ABCA13: variants seen among roughly 807,000 people sequenced by gnomAD.
The protein encoded by ABCA13 is ATP-binding cassette sub-family A member 13.
Under a neutral mutation model 478.7 loss-of-function variants are expected in ABCA13, and 476 were observed. The observed-to-expected ratio is 0.99, with a 90% CI of 0.92 to 1.07. The LOEUF is 1.07. Ranked by LOEUF, ABCA13 falls within the 50% of genes least tolerant of loss-of-function variation. The probability of loss-of-function intolerance (pLI) is 0.00; values close to 1 mark genes in which losing one functional copy is unlikely to be tolerated. For synonymous variants in ABCA13, 2,252 were observed against 2,158.9 expected (o/e 1.04, Z -1.20); for missense variants, 6,060 against 5,910.6 (o/e 1.03, Z -0.83).
intron 52 of ABCA13, among the ~76,000 whole-genome samples, chr7:48,518,734 G>A (rs1045308858): frequency 2.0e-5 from 3 of 152,022 alleles, no homozygotes; most frequent in Non-Finnish European, 4.4e-5. Flanking sequence ...GAGCTTTGTA[G>A]CATTAATTCT....
intron 55 of ABCA13, among the ~76,000 whole-genome samples, chr7:48,550,190 A>G (rs1253592855): frequency 6.6e-6 from 1 of 151,764 alleles, no homozygotes; most frequent in African/African-American, 2.4e-5. Context: ...AAAGTAGCTG[A>G]ATATTTATTT....
intron 59 of ABCA13, 126 bp downstream of exon 59, chr7:48,615,503 G>A: frequency 1.3e-6 from 1 of 789,888 alleles, no homozygotes; most frequent in Non-Finnish European, 2.0e-6. Flanking sequence ...AATAGGAGAT[G>A]AAGGCTCTGA....
chr7:48,270,708 G>C (rs921616881), intron 16 of ABCA13, among the ~76,000 whole-genome samples: 2 of 152,194 alleles, frequency 1.3e-5, no homozygotes, highest in African/African-American at 4.8e-5. Context: ...TATCAGGGAA[G>C]TAAACAGCAT....
chr7:48,219,556 G>A, intron 4 of ABCA13, 51 bp downstream of exon 4: 5 of 1,552,848 alleles, frequency 3.2e-6, no homozygotes, highest in Non-Finnish European at 4.3e-6. Flanking sequence ...CATAGCTTAA[G>A]GAGAGCTGTG....
chr7:48,617,986 G>T (rs1463971239), intron 59 of ABCA13, among the ~76,000 whole-genome samples: 2 of 152,136 alleles, frequency 1.3e-5, no homozygotes, highest in Non-Finnish European at 2.9e-5. Context: ...CCAAACCAAA[G>T]AACTTTTCCT....
intron 57 of ABCA13, among the ~76,000 whole-genome samples, chr7:48,588,792 T>A (rs558350523): frequency 6.6e-6 from 1 of 152,222 alleles, no homozygotes; most frequent in African/African-American, 2.4e-5. Flanking sequence ...GAGCAATAGG[T>A]TAAAGAGATT....
At chr7:48,412,725 G>A in intron 41 of ABCA13, 142 bp downstream of exon 41, 1 of 584,714 alleles carries the variant, frequency 1.7e-6, no homozygotes, top group Non-Finnish European at 2.7e-6. Context: ...TTTCTGATTG[G>A]TAGCATACTA....
chr7:48,214,324 T>C (rs1786115361), intron 3 of ABCA13, among the ~76,000 whole-genome samples: 2 of 152,284 alleles, frequency 1.3e-5, no homozygotes, highest in Non-Finnish European at 2.9e-5. Flanking sequence ...ACAGAAGCAG[T>C]TGATTTAGCA....
At chr7:48,382,102 C>T (rs970682642) in intron 35 of ABCA13, among the ~76,000 whole-genome samples, 2 of 152,108 alleles carry the variant, frequency 1.3e-5, no homozygotes, top group Non-Finnish European at 2.9e-5. Context: ...ATGTCTTTCA[C>T]GTTTGTTTCT....
At chr7:48,538,355 C>A (rs1010001756) in intron 55 of ABCA13, among the ~76,000 whole-genome samples, 1 of 152,110 alleles carries the variant, frequency 6.6e-6, no homozygotes, top group African/African-American at 2.4e-5. Context: ...CCCACCTCGA[C>A]CTCCCAAAGA....
At chr7:48,544,825 G>A (rs1379604074) in intron 55 of ABCA13, among the ~76,000 whole-genome samples, 1 of 151,920 alleles carries the variant, frequency 6.6e-6, no homozygotes, top group Non-Finnish European at 1.5e-5. Flanking sequence ...TGAGGCTTGT[G>A]ACTGGCATCT....
intron 44 of ABCA13, among the ~76,000 whole-genome samples, chr7:48,470,947 GA>G (rs1342344811): frequency 6.6e-6 from 1 of 152,038 alleles, no homozygotes; most frequent in African/African-American, 2.4e-5. Context: ...CCAAATGCTA[GA>G]AAAAATATTT....
intron 6 of ABCA13, among the ~76,000 whole-genome samples, chr7:48,227,963 C>A (rs993047122): frequency 8.5e-5 from 13 of 152,112 alleles, no homozygotes; most frequent in Admixed American, 4.6e-4. Context: ...TGGATTTGAC[C>A]CCCATGTTAC....
chr7:48,207,702 C>G (rs746059022), intron 3 of ABCA13, among the ~76,000 whole-genome samples: 2 of 152,014 alleles, frequency 1.3e-5, no homozygotes, highest in Non-Finnish European at 2.9e-5. Flanking sequence ...TTATTAATCC[C>G]TTGTCATATG....
chr7:48,455,218 G>A lies in ABCA13; in HGVS notation c.12747G>A (p.Leu4249=). 6.2e-7 allele frequency: 1 copy of A among 1,600,752 alleles called. No individual in the cohort carries two copies. Among genetic ancestry groups the A allele is most frequent in the Non-Finnish European group, 8.5e-7 (1 of 1,174,066 alleles). ...TGGGCTTGTTCATGGTGAGACCCCTGGCCACCGAGTACCCTCCCCTCAGAC... is the reference window on the plus strand; with the variant it reads ...TGGGCTTGTTCATGGTGAGACCCCTAGCCACCGAGTACCCTCCCCTCAGAC... The part of the protein sequence containing the change: ...LAMGLFMVRP[L]ATEYPPLRLT... Residue 4249 remains leucine, a synonymous_variant, in exon 43 of 62, where the codon CTG becomes CTA. Transcript: ENST00000435803.
At position 48,645,651 on chromosome 7, in the gene ABCA13, A is replaced by G; in HGVS notation, c.*139A>G. 1.4e-6 allele frequency: 1 copy of G among 713,864 alleles called. No individual in the cohort carries two copies. Among genetic ancestry groups the G allele is most frequent in the Non-Finnish European group, 2.3e-6 (1 of 436,172 alleles). The allele number at this position is 713,864 out of a possible 1,614,324, so 44.2% of individuals were successfully genotyped here. ...CAAATTATTCTCTTGTTCATTTTCTATTTTGAATCTCCTTGTTAGTTAATA... is the reference window on the plus strand; with the variant it reads ...CAAATTATTCTCTTGTTCATTTTCTGTTTTGAATCTCCTTGTTAGTTAATA... On this transcript the variant is annotated 3_prime_UTR_variant, in exon 62 of 62. Coordinates refer to ENST00000435803, the MANE Select transcript of ABCA13 (RefSeq NM_152701.5).
chr7:48,445,190 G>A (rs1021428631), intron 42 of ABCA13, among the ~76,000 whole-genome samples: 8 of 152,068 alleles, frequency 5.3e-5, no homozygotes, highest in African/African-American at 1.9e-4. Flanking sequence ...TGTATTTTTA[G>A]TAGAGATGGG....
At chr7:48,240,357 G>A (rs113007690) in intron 9 of ABCA13, among the ~76,000 whole-genome samples, 1,601 of 152,194 alleles carry the variant, frequency 0.011, 19 homozygotes, top group African/African-American at 0.037. Flanking sequence ...CATGTACATC[G>A]TGCACCTCTC....
intron 29 of ABCA13, among the ~76,000 whole-genome samples, chr7:48,341,284 C>T (rs370170545): frequency 3.3e-5 from 5 of 152,092 alleles, no homozygotes; most frequent in Admixed American, 6.5e-5. Context: ...TCTGTGCAGA[C>T]GCCACCCAGA....
Sources: allele counts gnomAD v4.1 joint callset (sites outside exome capture counted in the v4.1 genomes callset), GRCh38; gene constraint gnomAD v4.1.1; transcripts MANE v1.5; gene names NCBI Gene and HGNC (gene_info 2026-07-23, HGNC 2026-07-21).